Variants in FAM135B observed in about 807,000 individuals in gnomAD.
The protein encoded by FAM135B is protein FAM135B.
In FAM135B, 43 loss-of-function variants were observed where a neutral mutation model predicts 127.7. The observed-to-expected ratio is 0.34, with a 90% CI of 0.26 to 0.43. The LOEUF is 0.43. Among genes scored for constraint, FAM135B ranks in the 20% least tolerant of loss-of-function variants. FAM135B has a pLI of 1.00. For synonymous variants in FAM135B, 670 were observed against 665.1 expected (o/e 1.01, Z -0.11); for missense variants, 1,558 against 1,725.6 (o/e 0.90, Z 1.72).
intron 1 of FAM135B, among the ~76,000 whole-genome samples, chr8:138,409,719 C>CA (rs1294803922): frequency 2.0e-5 from 3 of 151,660 alleles, no homozygotes; most frequent in Non-Finnish European, 4.4e-5. Context: ...ACTAAAAATA[C>CA]AAAAAATTAG....
At chr8:138,331,099 C>T (rs1849346) in intron 2 of FAM135B, among the ~76,000 whole-genome samples, 74,757 of 151,886 alleles carry the variant, frequency 0.49, 19,678 homozygotes, top group Non-Finnish European at 0.61. Flanking sequence ...GCCTTGGCCT[C>T]CCAAAAATGC....
chr8:138,416,540 T>G (rs1012450967), intron 1 of FAM135B, among the ~76,000 whole-genome samples: 8 of 152,192 alleles, frequency 5.3e-5, no homozygotes, highest in African/African-American at 1.9e-4. Context: ...CTGTATAAGT[T>G]CCAGAGGGTC....
At chr8:138,302,830 T>C (rs1825986056) in intron 3 of FAM135B, among the ~76,000 whole-genome samples, 1 of 152,216 alleles carries the variant, frequency 6.6e-6, no homozygotes, top group African/African-American at 2.4e-5. Context: ...CAGCGCCTCA[T>C]ACACAGCAAA....
intron 12 of FAM135B, among the ~76,000 whole-genome samples, chr8:138,165,086 G>A (rs574547977): frequency 1.4e-4 from 21 of 151,996 alleles, no homozygotes; most frequent in Middle Eastern, 3.4e-3. Context: ...GGATGGAGGC[G>A]CAGAGAGGGA....
At chr8:138,247,340 G>C (rs1415549599) in intron 6 of FAM135B, among the ~76,000 whole-genome samples, 1 of 152,190 alleles carries the variant, frequency 6.6e-6, no homozygotes, top group East Asian at 1.9e-4. Flanking sequence ...TGTGGTGGGA[G>C]GGATCTGGTG....
At chr8:138,363,410 T>A (rs1830554914) in intron 2 of FAM135B, among the ~76,000 whole-genome samples, 1 of 152,094 alleles carries the variant, frequency 6.6e-6, no homozygotes, top group South Asian at 2.1e-4. Flanking sequence ...TCCTCAGAGC[T>A]CAAAAATGGC....
chr8:138,417,341 C>A (rs924559455), intron 1 of FAM135B, among the ~76,000 whole-genome samples: 9 of 152,220 alleles, frequency 5.9e-5, no homozygotes, highest in African/African-American at 1.9e-4. Flanking sequence ...CTTTCACTGG[C>A]AGACCTGCCT....
intron 2 of FAM135B, among the ~76,000 whole-genome samples, chr8:138,364,856 G>T (rs2131198273): frequency 6.6e-6 from 1 of 152,070 alleles, no homozygotes; most frequent in Admixed American, 6.6e-5. Context: ...AACATTTTGG[G>T]TTTTTTTCTG....
At chr8:138,395,360 TCTC>T (rs1243134339) in intron 1 of FAM135B, among the ~76,000 whole-genome samples, 3 of 151,884 alleles carry the variant, frequency 2.0e-5, no homozygotes, top group Non-Finnish European at 2.9e-5. Context: ...ATGGAGGTCT[TCTC>T]CTAGTTTGCA....
intron 7 of FAM135B, among the ~76,000 whole-genome samples, chr8:138,209,587 G>T (rs1371330812): frequency 1.3e-5 from 2 of 152,156 alleles, no homozygotes; most frequent in Non-Finnish European, 2.9e-5. Context: ...TGGAGAGCCA[G>T]GCATAGCATG....
At chr8:138,359,610 G>C (rs946174267) in intron 2 of FAM135B, among the ~76,000 whole-genome samples, 1 of 152,210 alleles carries the variant, frequency 6.6e-6, no homozygotes, top group Non-Finnish European at 1.5e-5. Context: ...ACTTTCAAAA[G>C]TGTGGGAATG....
At chr8:138,454,577 C>T (rs911616519) in intron 1 of FAM135B, among the ~76,000 whole-genome samples, 9 of 152,172 alleles carry the variant, frequency 5.9e-5, no homozygotes, top group Non-Finnish European at 1.2e-4. Flanking sequence ...AGAACCAGGG[C>T]TAGTACTGAA....
intron 1 of FAM135B, among the ~76,000 whole-genome samples, chr8:138,434,494 C>G (rs1205142368): frequency 6.6e-6 from 1 of 152,136 alleles, no homozygotes. Context: ...TGGGGTCACA[C>G]AGCTAGTAAG....
intron 1 of FAM135B, among the ~76,000 whole-genome samples, chr8:138,482,334 T>C (rs548782036): frequency 1.3e-5 from 2 of 152,104 alleles, no homozygotes; most frequent in Non-Finnish European, 2.9e-5. Context: ...GCTCAGAAGA[T>C]GCCTGTAATC....
chr8:138,373,031 G>T (rs563492847), intron 1 of FAM135B, among the ~76,000 whole-genome samples: 1 of 152,210 alleles, frequency 6.6e-6, no homozygotes, highest in Non-Finnish European at 1.5e-5. Context: ...CATTACCTTC[G>T]GGCAGGCAAT....
Position 138,423,171 on chromosome 8 carries a change from C to T in FAM135B, c.-19-55169G>A, listed in dbSNP as rs143940988. 5.3e-4 allele frequency among the ~76,000 whole-genome samples: 81 copies of T among 152,214 alleles called. No individual in the cohort carries two copies. The East Asian group carries it at 0.013, about 25-fold the overall frequency. On this transcript the variant is annotated intron_variant, in intron 1 of 19. Coordinates refer to ENST00000395297, the MANE Select transcript of FAM135B (RefSeq NM_015912.4). ...GAAAATCTACCTTTTGAGTACTATG[C>T]TCAGTATCTGAGTGATGAAATAATT...
chr8:138,278,781 G>A (rs924466155), intron 3 of FAM135B, among the ~76,000 whole-genome samples: 1 of 151,810 alleles, frequency 6.6e-6, no homozygotes, highest in African/African-American at 2.4e-5. Context: ...CCAGTCTGGA[G>A]AACATGATTT....
intron 15 of FAM135B, among the ~76,000 whole-genome samples, chr8:138,144,932 T>C (rs16908348): frequency 0.29 from 44,030 of 152,154 alleles, 6,435 homozygotes; most frequent in Middle Eastern, 0.36. Flanking sequence ...AAACACAAAG[T>C]GAGCAAGTGC....
chr8:138,365,898 A>T (rs576378792), intron 2 of FAM135B, among the ~76,000 whole-genome samples: 1 of 152,282 alleles, frequency 6.6e-6, no homozygotes, highest in South Asian at 2.1e-4. Context: ...CCATACAGAA[A>T]CAGCAAGGTC....
Sources: gnomAD v4.1 joint callset for allele counts (sites outside exome capture counted in the v4.1 genomes callset) on GRCh38, gnomAD v4.1.1 for gene constraint, MANE v1.5 for transcripts, NCBI Gene and HGNC (gene_info 2026-07-23, HGNC 2026-07-21) for gene names.